Variants in TRPS1 observed in about 807,000 individuals in gnomAD.
The protein encoded by TRPS1 is zinc finger transcription factor Trps1.
In TRPS1, 6 loss-of-function variants were observed where a neutral mutation model predicts 101.2. The ratio of observed to expected loss-of-function variants is 0.06; its 90% CI spans 0.03 to 0.12. The LOEUF is 0.12. Ranked by LOEUF, TRPS1 falls within the 10% of genes least tolerant of loss-of-function variation. The pLI is 1.00. For synonymous variants in TRPS1, 578 were observed against 589.8 expected, an observed-to-expected ratio of 0.98 and a Z score of 0.29; for missense variants, 1,363 against 1,567.0, an observed-to-expected ratio of 0.87 and a Z score of 2.20.
chr8:115,533,652 A>G (rs1165914262), intron 5 of TRPS1, among the ~76,000 whole-genome samples: 1 of 152,036 alleles, frequency 6.6e-6, no homozygotes, highest in Non-Finnish European at 1.5e-5. Context: ...CTGTCTGAAC[A>G]TGGTGTCTTA....
intron 1 of TRPS1, among the ~76,000 whole-genome samples, chr8:115,636,805 G>A (rs1818776864): frequency 6.6e-6 from 1 of 151,950 alleles, no homozygotes; most frequent in Non-Finnish European, 1.5e-5. Context: ...TCAGCTACTT[G>A]GGAGCCTGAG....
rs1586243825 is a variant in TRPS1 at position 115,409,261 on chromosome 8, G to A, written c.*4762C>T. On this transcript the variant is annotated 3_prime_UTR_variant, in exon 7 of 7. Transcript: ENST00000395715. ...TGATATGCTGCAGTTTATATGTTGGGAAAAAAAAAAAAAAAAAAAACAGGG... is the reference window on the plus strand; with the variant it reads ...TGATATGCTGCAGTTTATATGTTGGAAAAAAAAAAAAAAAAAAAAACAGGG... The A allele has an allele frequency of 2.0e-5, 2 of 102,248 alleles. No individual in the cohort carries two copies. Among genetic ancestry groups the A allele is most frequent in the African/African-American group, 4.0e-5 (1 of 24,752 alleles). 6.3% of individuals were successfully genotyped at this position (102,248 alleles called of 1,614,324 possible).
chr8:115,595,454 G>A (rs1241443466), intron 4 of TRPS1, among the ~76,000 whole-genome samples: 4 of 151,912 alleles, frequency 2.6e-5, no homozygotes, highest in Non-Finnish European at 5.9e-5. Context: ...AATTCTGGAT[G>A]AAAATAATTA....
chr8:115,541,536 G>A (rs1445562212), intron 5 of TRPS1, among the ~76,000 whole-genome samples: 5 of 152,108 alleles, frequency 3.3e-5, no homozygotes, highest in African/African-American at 1.2e-4. Context: ...GTTTTAAAAT[G>A]AAAACTCAAT....
chr8:115,650,403 A>C (rs1177167728), intron 1 of TRPS1, among the ~76,000 whole-genome samples: 1 of 152,212 alleles, frequency 6.6e-6, no homozygotes, highest in Non-Finnish European at 1.5e-5. Context: ...ACTGTCCTAG[A>C]AGCAAAGAAA....
intron 5 of TRPS1, among the ~76,000 whole-genome samples, chr8:115,574,517 T>C (rs1474309259): frequency 6.6e-6 from 1 of 152,126 alleles, no homozygotes; most frequent in African/African-American, 2.4e-5. Flanking sequence ...AGACAGGACA[T>C]AGAATAGTTT....
At chr8:115,426,152 TTTC>T (rs1022915528) in intron 5 of TRPS1, among the ~76,000 whole-genome samples, 2 of 152,178 alleles carry the variant, frequency 1.3e-5, no homozygotes, top group African/African-American at 4.8e-5. Flanking sequence ...CTATGGGGAC[TTTC>T]TTCTATGCCA....
intron 5 of TRPS1, among the ~76,000 whole-genome samples, chr8:115,550,689 A>G (rs1431473868): frequency 6.6e-6 from 1 of 152,206 alleles, no homozygotes. Context: ...AATTCTTGAC[A>G]TTGAGTTGGA....
chr8:115,587,998 G>C (rs1817606125), intron 4 of TRPS1, among the ~76,000 whole-genome samples: 1 of 152,160 alleles, frequency 6.6e-6, no homozygotes, highest in African/African-American at 2.4e-5. Context: ...TACCCTGATG[G>C]ATAATCATGA....
intron 1 of TRPS1, among the ~76,000 whole-genome samples, chr8:115,656,423 A>T (rs1351896087): frequency 6.6e-6 from 1 of 152,140 alleles, no homozygotes; most frequent in Non-Finnish European, 1.5e-5. Flanking sequence ...GCAGTATTTT[A>T]AATTTTCTTA....
chr8:115,642,415 G>A (rs1818922733), intron 1 of TRPS1, among the ~76,000 whole-genome samples: 1 of 151,954 alleles, frequency 6.6e-6, no homozygotes, highest in Non-Finnish European at 1.5e-5. Context: ...CAGAAAATCA[G>A]TATCATTCAC....
At chr8:115,559,684 C>T (rs1263987648) in intron 5 of TRPS1, among the ~76,000 whole-genome samples, 1 of 152,072 alleles carries the variant, frequency 6.6e-6, no homozygotes, top group East Asian at 1.9e-4. Context: ...TAGGGCAATA[C>T]AGAGTTTATA....
intron 5 of TRPS1, among the ~76,000 whole-genome samples, chr8:115,556,277 A>G (rs901310545): frequency 7.9e-5 from 12 of 152,306 alleles, no homozygotes; most frequent in Middle Eastern, 3.4e-3. Flanking sequence ...AGAGAAACTG[A>G]TGGCAAAGAT....
intron 5 of TRPS1, among the ~76,000 whole-genome samples, chr8:115,504,888 C>G (rs945167852): frequency 6.6e-6 from 1 of 152,102 alleles, no homozygotes; most frequent in African/African-American, 2.4e-5. Context: ...AAATATCTGA[C>G]TGTAACACCA....
At chr8:115,468,681 C>G (rs1360981822) in intron 5 of TRPS1, among the ~76,000 whole-genome samples, 1 of 152,174 alleles carries the variant, frequency 6.6e-6, no homozygotes, top group Non-Finnish European at 1.5e-5. Flanking sequence ...GACTAATTCA[C>G]CAGCACAGCA....
chr8:115,497,970 C>T (rs557928336), intron 5 of TRPS1, among the ~76,000 whole-genome samples: 26 of 152,046 alleles, frequency 1.7e-4, no homozygotes, highest in Non-Finnish European at 3.4e-4. Context: ...AGTCAAATGA[C>T]GAGGAAGATT....
intron 5 of TRPS1, among the ~76,000 whole-genome samples, chr8:115,586,135 C>T (rs988163896): frequency 2.5e-4 from 38 of 152,172 alleles, no homozygotes; most frequent in African/African-American, 8.9e-4. Flanking sequence ...CTTCTATGCA[C>T]AAACAAAGCT....
chr8:115,613,746 C>T (rs1161074238), intron 3 of TRPS1, among the ~76,000 whole-genome samples: 3 of 152,098 alleles, frequency 2.0e-5, no homozygotes, highest in Non-Finnish European at 4.4e-5. Context: ...GCTCCACATA[C>T]ACACATAAGA....
chr8:115,617,076 T>A (rs922938790), intron 3 of TRPS1, among the ~76,000 whole-genome samples: 2 of 152,232 alleles, frequency 1.3e-5, no homozygotes, highest in Admixed American at 1.3e-4. Flanking sequence ...TTCAGTGTTA[T>A]CCTCACAAAT....
Sources: allele counts gnomAD v4.1 joint callset (sites outside exome capture counted in the v4.1 genomes callset), GRCh38; gene constraint gnomAD v4.1.1; transcripts MANE v1.5; gene names NCBI Gene and HGNC (gene_info 2026-07-23, HGNC 2026-07-21).